ABLIM3: variants seen among roughly 807,000 people sequenced by gnomAD.
ABLIM3 encodes actin binding LIM protein family member 3, also known as actin-binding LIM protein 3.
ABLIM3 carries 61 observed loss-of-function variants against 109.5 expected under a neutral mutation model. The ratio of observed to expected loss-of-function variants is 0.56; its 90% CI spans 0.45 to 0.69. The LOEUF (loss-of-function observed/expected upper bound fraction) is 0.69. Among genes scored for constraint, ABLIM3 ranks in the 30% least tolerant of loss-of-function variants. The pLI, the probability that ABLIM3 is intolerant of heterozygous loss-of-function variation, is 0.00. For synonymous variants in ABLIM3, 300 were observed against 324.8 expected (o/e 0.92, Z 0.82); for missense variants, 796 against 889.5 (o/e 0.89, Z 1.34).
chr5:149,146,681 T>G lies in ABLIM3; in HGVS notation c.13+4573T>G, dbSNP rs184839485. 1.6e-3 allele frequency among the ~76,000 whole-genome samples: 247 copies of G among 152,334 alleles called. 1 individual carries two copies. The highest frequency in any genetic ancestry group is 5.7e-3 in the African/African-American group (238 of 41,574). ...TCTGTTCCATTGGTCTATATGTCTG[T>G]TTTTGTAGCAGTACCATGCTGTTTT... On this transcript the variant is annotated intron_variant, in intron 2 of 23. Transcript: ENST00000309868.
intron 2 of ABLIM3, among the ~76,000 whole-genome samples, chr5:149,142,666 G>A (rs553150880): frequency 1.9e-4 from 29 of 152,316 alleles, no homozygotes; most frequent in African/African-American, 7.0e-4. Flanking sequence ...GTTTCTCTAT[G>A]TACCTGCAGG....
rs191263449 is a variant in ABLIM3, at chr5:149,213,725, G to A, written c.669+2906G>A. The stretch of plus-strand genomic sequence containing the variant: ...GAGAGTTACCGTTGTTTAGCATTGC[G>A]GTAGACTGTTCCTCCCAGGCAGCTG... On this transcript the variant is annotated intron_variant, in intron 7 of 23. Coordinates refer to ENST00000309868, the MANE Select transcript of ABLIM3 (RefSeq NM_014945.5). Among the ~76,000 whole-genome samples the A allele has an allele frequency of 3.9e-5, 6 of 152,238 alleles. No homozygotes were observed. The East Asian group carries it at 5.8e-4, about 15-fold the overall frequency.
intron 8 of ABLIM3, 100 bp from the exon 9 acceptor site, chr5:149,230,549 A>G (rs1256327259): frequency 7.7e-7 from 1 of 1,292,876 alleles, no homozygotes; most frequent in East Asian, 2.3e-5. Context: ...CAGATGTGTA[A>G]GGGACATACG....
intron 11 of ABLIM3, among the ~76,000 whole-genome samples, chr5:149,239,023 G>C (rs1339792102): frequency 6.6e-6 from 1 of 152,158 alleles, no homozygotes; most frequent in African/African-American, 2.4e-5. Flanking sequence ...CTGGGCCTTG[G>C]TTTTTCCCTT....
intron 9 of ABLIM3, 39 bp downstream of exon 9, chr5:149,230,746 T>C: frequency 1.2e-6 from 2 of 1,610,772 alleles, no homozygotes; most frequent in Admixed American, 1.7e-5. Flanking sequence ...CACTCCTGCT[T>C]TGCTACTTTC....
At chr5:149,171,524 C>T (rs544795133) in intron 2 of ABLIM3, among the ~76,000 whole-genome samples, 27 of 152,312 alleles carry the variant, frequency 1.8e-4, no homozygotes, top group African/African-American at 3.1e-4. Flanking sequence ...GCAGAGCCTG[C>T]ATTTGAATCC....
At chr5:149,187,913 G>A (rs1008951191) in intron 3 of ABLIM3, among the ~76,000 whole-genome samples, 2 of 152,192 alleles carry the variant, frequency 1.3e-5, no homozygotes, top group African/African-American at 4.8e-5. Context: ...CAGGGGCCAC[G>A]TGCCTCAGGG....
intron 2 of ABLIM3, among the ~76,000 whole-genome samples, chr5:149,149,315 C>T (rs1311638182): frequency 6.6e-6 from 1 of 152,192 alleles, no homozygotes; most frequent in Non-Finnish European, 1.5e-5. Context: ...AGCGAAATAA[C>T]ATTAGAAACT....
Position 149,237,516 on chromosome 5 carries a change from C to T in ABLIM3, c.957C>T (p.Tyr319=), listed in dbSNP as rs537621133. Residue 319 remains tyrosine, a synonymous_variant, in exon 11 of 24, where the codon TAC becomes TAT. Coordinates refer to ENST00000309868, the MANE Select transcript of ABLIM3 (RefSeq NM_014945.5). ...CTCTCCCCAAGGTTAAGTCTATCTACGAGGTACAACGCCCCGACCTCATTT... is the reference window on the plus strand; with the variant it reads ...CTCTCCCCAAGGTTAAGTCTATCTATGAGGTACAACGCCCCGACCTCATTT... ...LAALPKVKSI[Y]EVQRPDLISY... is the part of the protein sequence containing the mutation. 4.2e-5 allele frequency: 67 copies of T among 1,614,174 alleles called. No homozygotes were observed. The highest frequency in any genetic ancestry group is 6.7e-5 in the East Asian group (3 of 44,878).
intron 2 of ABLIM3, among the ~76,000 whole-genome samples, chr5:149,143,293 G>T (rs1029684593): frequency 6.6e-6 from 1 of 151,442 alleles, no homozygotes; most frequent in Non-Finnish European, 1.5e-5. Context: ...AACCTGGGAG[G>T]CAGAGGTTGC....
At chr5:149,257,039 T>A (rs2127579118) in intron 23 of ABLIM3, among the ~76,000 whole-genome samples, 1 of 152,344 alleles carries the variant, frequency 6.6e-6, no homozygotes, top group South Asian at 2.1e-4. Flanking sequence ...GCGCCGTGGC[T>A]TACGCCTGTA....
At chr5:149,171,924 ATTCTATT>A (rs771047562) in intron 2 of ABLIM3, among the ~76,000 whole-genome samples, 63,065 of 151,836 alleles carry the variant, frequency 0.42, 13,612 homozygotes, top group East Asian at 0.68. Context: ...ATTGTCCACT[ATTCTATT>A]CTATTTCTGC....
intron 22 of ABLIM3, 47 bp downstream of exon 22, chr5:149,252,255 C>T (rs767950644): frequency 2.3e-5 from 37 of 1,604,888 alleles, no homozygotes; most frequent in East Asian, 1.6e-4. Context: ...TTCTTGGAGC[C>T]GCTACACTGG....
chr5:149,253,292 A>G (rs1754117867), intron 23 of ABLIM3, among the ~76,000 whole-genome samples: 1 of 152,120 alleles, frequency 6.6e-6, no homozygotes, highest in Middle Eastern at 3.2e-3. Flanking sequence ...AGGCAGCACT[A>G]TGTGGAAGGA....
intron 8 of ABLIM3, 86 bp from the exon 9 acceptor site, chr5:149,230,563 A>G (rs1581189828): frequency 6.9e-7 from 1 of 1,440,330 alleles, no homozygotes; most frequent in Non-Finnish European, 9.8e-7. Flanking sequence ...ACATACGCTG[A>G]CCACGGAGTG....
At chr5:149,212,842 A>T (rs1759695000) in intron 7 of ABLIM3, among the ~76,000 whole-genome samples, 1 of 152,134 alleles carries the variant, frequency 6.6e-6, no homozygotes, top group Admixed American at 6.5e-5. Context: ...TACGGATCAG[A>T]GGCTGGGAGT....
At chr5:149,161,630 T>G (rs926464851) in intron 2 of ABLIM3, among the ~76,000 whole-genome samples, 5 of 152,176 alleles carry the variant, frequency 3.3e-5, no homozygotes, top group Non-Finnish European at 5.9e-5. Context: ...CAGTATTTCT[T>G]TTTTGAGGCA....
At chr5:149,144,234 C>A (rs1247117664) in intron 2 of ABLIM3, among the ~76,000 whole-genome samples, 2 of 152,184 alleles carry the variant, frequency 1.3e-5, no homozygotes, top group African/African-American at 4.8e-5. Flanking sequence ...TGGAAGCCCT[C>A]CGGGTTCCCC....
At chr5:149,157,258 C>T (rs1753935368) in intron 2 of ABLIM3, among the ~76,000 whole-genome samples, 1 of 152,218 alleles carries the variant, frequency 6.6e-6, no homozygotes, top group Non-Finnish European at 1.5e-5. Flanking sequence ...GAGAATGATA[C>T]TCAGACCAGA....
Sources: gnomAD v4.1 joint callset for allele counts (sites outside exome capture counted in the v4.1 genomes callset) on GRCh38, gnomAD v4.1.1 for gene constraint, MANE v1.5 for transcripts, NCBI Gene and HGNC (gene_info 2026-07-23, HGNC 2026-07-21) for gene names.